PDXDC1: variants seen among roughly 807,000 people sequenced by gnomAD.
PDXDC1 encodes the protein pyridoxal-dependent decarboxylase domain-containing protein 1.
A neutral mutation model predicts 100.1 loss-of-function variants in PDXDC1; 42 were observed. The ratio of observed to expected loss-of-function variants is 0.42; its 90% CI spans 0.33 to 0.54. The LOEUF (loss-of-function observed/expected upper bound fraction) is 0.54, where lower values mean the gene tolerates loss of function less well. PDXDC1 is among the 20% of genes least tolerant of loss of function. The probability of loss-of-function intolerance (pLI) is 0.10; values close to 1 mark genes in which losing one functional copy is unlikely to be tolerated. For synonymous variants in PDXDC1, 260 were observed against 371.7 expected, an observed-to-expected ratio of 0.70 and a Z score of 3.46; for missense variants, 636 against 979.2, an observed-to-expected ratio of 0.65 and a Z score of 4.68.
At position 15,093,465 on chromosome 16, in the gene PDXDC1, C is replaced by T. The variant is rs575435913; in HGVS notation, c.1400-45414C>T. ...ATTGGCCTATGTACTGCCTTTCCCC[C>T]CTATGCTGTAAGCTCTGTAGAAAGC... On this transcript the variant is annotated intron_variant, in intron 16 of 16. Coordinates refer to the PDXDC1 transcript ENST00000535621. Among the ~76,000 whole-genome samples, 19 of 152,314 alleles carry T rather than the reference C, an allele frequency of 1.2e-4. No individual in the cohort carries two copies. In the South Asian group the frequency reaches 3.7e-3, roughly 30 times the overall value.
intron 16 of PDXDC1, chr16:15,055,947 G>A (rs1263778279): frequency 5.7e-6 from 7 of 1,230,820 alleles, no homozygotes; most frequent in Non-Finnish European, 6.1e-6. Flanking sequence ...AGCCGCACTC[G>A]CCGCCCCTCG....
chr16:14,986,531 A>G (rs1304014982), intron 1 of PDXDC1, among the ~76,000 whole-genome samples: 2 of 152,292 alleles, frequency 1.3e-5, no homozygotes, highest in Non-Finnish European at 2.9e-5. Context: ...AGGAAAGGAG[A>G]ATTAAATCAT....
chr16:15,035,614 G>GT, intron 22 of PDXDC1, 61 bp downstream of exon 22: 1 of 971,104 alleles, frequency 1.0e-6, no homozygotes, highest in Non-Finnish European at 1.5e-6. Flanking sequence ...TGTTACTTGC[G>GT]TTTGTTTTCT....
chr16:15,090,020 C>A (rs575471923), intron 16 of PDXDC1, among the ~76,000 whole-genome samples: 3 of 151,642 alleles, frequency 2.0e-5, no homozygotes, highest in Admixed American at 2.0e-4. Context: ...ACCAGCCTGG[C>A]CAACATGGTG....
chr16:15,002,032 A>C (rs1597410567), intron 4 of PDXDC1, 176 bp downstream of exon 4: 2 of 624,572 alleles, frequency 3.2e-6, no homozygotes, highest in East Asian at 3.3e-5. Context: ...TTGTGAAATG[A>C]AGGCATTTAT....
downstream of PDXDC1, among the ~76,000 whole-genome samples, chr16:15,040,811 G>A (rs1164042436): frequency 6.6e-6 from 1 of 152,158 alleles, no homozygotes; most frequent in African/African-American, 2.4e-5. Context: ...GGAAGGGTGG[G>A]CATGGCCTGT....
the PDXDC1 span, among the ~76,000 whole-genome samples, chr16:15,146,040 C>G: frequency 1.6e-4 from 25 of 152,188 alleles, no homozygotes; most frequent in African/African-American, 4.6e-4. Flanking sequence ...AGTGGCAGAA[C>G]CACCCCATAC....
At position 15,083,944 on chromosome 16, in the gene PDXDC1, G is replaced by A. The variant is rs566718901; in HGVS notation, c.1399+53888G>A. 1.9e-3 allele frequency among the ~76,000 whole-genome samples: 294 copies of A among 152,212 alleles called. 4 individuals carry two copies. The highest frequency in any genetic ancestry group is 4.0e-4 in the Non-Finnish European group (27 of 67,998). On this transcript the variant is annotated intron_variant, in intron 16 of 16. Coordinates refer to the PDXDC1 transcript ENST00000535621. ...TTGGTCAGGCTGGTCTCGAACTCCC[G>A]ACCTCAGGTGATCCGCCCGCCTCGG...
intron 16 of PDXDC1, among the ~76,000 whole-genome samples, chr16:15,112,039 G>A (rs1453103580): frequency 6.8e-6 from 1 of 146,936 alleles, no homozygotes; most frequent in East Asian, 1.9e-4. Flanking sequence ...CTTCGTTGAG[G>A]CTGGTTTGAA....
chr16:15,056,476 G>A (rs1258374267), intron 16 of PDXDC1, among the ~76,000 whole-genome samples: 1 of 152,188 alleles, frequency 6.6e-6, no homozygotes, highest in Non-Finnish European at 1.5e-5. Flanking sequence ...CATTCAATGA[G>A]TAATAATAAA....
At chr16:15,083,732 T>C (rs1367357810) in intron 16 of PDXDC1, 2 of 1,131,250 alleles carry the variant, frequency 1.8e-6, no homozygotes, top group African/African-American at 1.6e-5. Flanking sequence ...TTTTTGTTTT[T>C]TGAGACGGAG....
chr16:14,985,994 A>AG (rs1491516213), intron 1 of PDXDC1, among the ~76,000 whole-genome samples: 3 of 152,278 alleles, frequency 2.0e-5, no homozygotes, highest in African/African-American at 4.8e-5. Flanking sequence ...ATGTCTGCTC[A>AG]GGGGGCTGAG....
At chr16:15,049,149 C>G (rs1179393559) in intron 16 of PDXDC1, among the ~76,000 whole-genome samples, 1 of 151,174 alleles carries the variant, frequency 6.6e-6, no homozygotes, top group African/African-American at 2.4e-5. Context: ...CCACCCTGGC[C>G]TCCCAAAGTG....
At chr16:15,078,710 G>C (rs1252425517) in intron 16 of PDXDC1, among the ~76,000 whole-genome samples, 1 of 151,832 alleles carries the variant, frequency 6.6e-6, no homozygotes, top group African/African-American at 2.4e-5. Flanking sequence ...CCCATCTGCA[G>C]CCACGACTGC....
At position 15,094,263 on chromosome 16, in the gene PDXDC1, C is replaced by A. The variant is rs752658807; in HGVS notation, c.1400-44616C>A. On this transcript the variant is annotated intron_variant, in intron 16 of 16. Coordinates refer to the PDXDC1 transcript ENST00000535621. ...CCGAACTAACGCGACCGCTGCGCCT[C>A]AGGCCGGATGCCCAGCTCCTTCCAG... 1.3e-5 allele frequency: 19 copies of A among 1,513,526 alleles called. No homozygotes were observed. In the African/African-American group the frequency reaches 2.6e-4, roughly 21 times the overall value. The allele number at this position is 1,513,526 out of a possible 1,614,324, so 93.8% of individuals were successfully genotyped here.
intron 16 of PDXDC1, among the ~76,000 whole-genome samples, chr16:15,048,300 G>A (rs1567767750): frequency 6.6e-6 from 1 of 152,212 alleles, no homozygotes; most frequent in Non-Finnish European, 1.5e-5. Context: ...GCGGTTCTGC[G>A]CGGTGGTTTT....
At chr16:15,104,663 C>T (rs749218014) in intron 16 of PDXDC1, 2 of 1,597,642 alleles carry the variant, frequency 1.3e-6, no homozygotes, top group Non-Finnish European at 8.5e-7. Context: ...GAGGAGGTGG[C>T]TGGTGGCCCA....
intron 16 of PDXDC1, chr16:15,047,856 T>G (rs766397985): frequency 6.2e-7 from 1 of 1,610,254 alleles, no homozygotes; most frequent in Non-Finnish European, 8.5e-7. Context: ...TCATCATACC[T>G]GTGTGCCTCA....
At chr16:15,044,004 G>A (rs1163192025) in intron 16 of PDXDC1, among the ~76,000 whole-genome samples, 1 of 152,170 alleles carries the variant, frequency 6.6e-6, no homozygotes, top group Non-Finnish European at 1.5e-5. Flanking sequence ...TATCATCAGT[G>A]TTTTAATTTT....
Sources: allele counts gnomAD v4.1 joint callset (sites outside exome capture counted in the v4.1 genomes callset), GRCh38; gene constraint gnomAD v4.1.1; transcripts MANE v1.5; gene names NCBI Gene and HGNC (gene_info 2026-07-23, HGNC 2026-07-21).